The following CMSS1 variants were observed in gnomAD, a reference collection of about 807,000 sequenced individuals.
The protein encoded by CMSS1 is cms1 ribosomal small subunit homolog, also known as protein CMSS1.
Under a neutral mutation model 43.5 loss-of-function variants are expected in CMSS1, and 33 were observed. The ratio of observed to expected loss-of-function variants is 0.76; its 90% CI spans 0.57 to 1.01. The LOEUF (loss-of-function observed/expected upper bound fraction) is 1.01. Ranked by LOEUF, CMSS1 falls within the 50% of genes least tolerant of loss-of-function variation. CMSS1 has a pLI of 0.00. For missense variants in CMSS1, 313 were observed against 326.4 expected (o/e 0.96, Z 0.32); for synonymous variants, 115 against 117.2 (o/e 0.98, Z 0.12).
At chr3:99,901,099 A>G (rs1010310443) in intron 1 of CMSS1, among the ~76,000 whole-genome samples, 3 of 152,360 alleles carry the variant, frequency 2.0e-5, no homozygotes, top group African/African-American at 4.8e-5. Context: ...ACTGTATACA[A>G]CATTCTTTTA....
intron 1 of CMSS1, among the ~76,000 whole-genome samples, chr3:100,069,800 A>G (rs2065729740): frequency 6.6e-6 from 1 of 152,166 alleles, no homozygotes; most frequent in Non-Finnish European, 1.5e-5. Flanking sequence ...GGGCCAGTCT[A>G]TTTGTGAGGG....
rs1226797409 is a variant in CMSS1, at chr3:100,180,855, T to TGAA, written c.*2471_*2473dup. The stretch of plus-strand genomic sequence containing the variant: ...GTATTCTTCCATTTTTACACTGCTA[T>TGAA]GAAGAACTACCTGAGACTGGGTAGT... On this transcript the variant is annotated 3_prime_UTR_variant, in exon 10 of 10. Transcript: ENST00000421999. The TGAA allele has an allele frequency of 6.6e-6, 1 of 152,228 alleles. No homozygotes were observed. Among genetic ancestry groups the TGAA allele is most frequent in the Non-Finnish European group, 1.5e-5 (1 of 68,048 alleles). 9.4% of individuals were successfully genotyped at this position (152,228 alleles called of 1,614,324 possible). A position where few individuals can be genotyped will look rare whatever the true frequency, so the allele number is the denominator to read the frequency against.
chr3:100,141,436 A>T (rs937127663), intron 1 of CMSS1: 4 of 378,830 alleles, frequency 1.1e-5, no homozygotes, highest in African/African-American at 8.5e-5. Flanking sequence ...GTGGAAACAG[A>T]CAATGGTCTT....
intron 1 of CMSS1, among the ~76,000 whole-genome samples, chr3:99,979,034 C>T (rs539254034): frequency 6.6e-6 from 1 of 151,906 alleles, no homozygotes; most frequent in Admixed American, 6.6e-5. Flanking sequence ...CACTGTAGGG[C>T]GACTAGAGGG....
chr3:99,903,155 T>A (rs1706492155), intron 1 of CMSS1, among the ~76,000 whole-genome samples: 1 of 152,182 alleles, frequency 6.6e-6, no homozygotes, highest in Non-Finnish European at 1.5e-5. Flanking sequence ...CATAGGGTTG[T>A]TATGAGGATT....
At chr3:100,044,695 A>G (rs762779121) in intron 1 of CMSS1, among the ~76,000 whole-genome samples, 4 of 152,194 alleles carry the variant, frequency 2.6e-5, no homozygotes, top group Non-Finnish European at 5.9e-5. Flanking sequence ...GATTTTTTTA[A>G]TGAGGTAAAA....
intron 1 of CMSS1, among the ~76,000 whole-genome samples, chr3:100,137,345 A>G (rs929708189): frequency 6.6e-5 from 10 of 152,214 alleles, no homozygotes; most frequent in African/African-American, 2.4e-4. Context: ...ATGGATTTTT[A>G]AAAATAGAGC....
chr3:99,848,079 G>A lies in CMSS1; in HGVS notation c.64+30036G>A, dbSNP rs990535592. On this transcript the variant is annotated intron_variant, in intron 1 of 9. Transcript: ENST00000421999. ...ATATTTTCCATACAAGTATGTAAAT[G>A]AAAAGATATACAGTAAGTGCACACT... is the stretch of plus-strand genomic sequence containing the variant. 42 of 1,327,066 alleles carry A rather than the reference G, an allele frequency of 3.2e-5. No individual in the cohort carries two copies. In the Middle Eastern group the frequency reaches 1.1e-3, roughly 35 times the overall value. The allele number at this position is 1,327,066 out of a possible 1,614,324, so 82.2% of individuals were successfully genotyped here.
chr3:99,884,568 A>G (rs1370307234), intron 1 of CMSS1, among the ~76,000 whole-genome samples: 2 of 152,144 alleles, frequency 1.3e-5, no homozygotes, highest in African/African-American at 4.8e-5. Context: ...TGATGTCTCA[A>G]ACTTCCTTCC....
At chr3:99,998,789 T>A (rs1709757190) in intron 1 of CMSS1, among the ~76,000 whole-genome samples, 1 of 152,210 alleles carries the variant, frequency 6.6e-6, no homozygotes, top group African/African-American at 2.4e-5. Flanking sequence ...CAGGATGGTC[T>A]CGATCTCCTG....
At chr3:99,927,000 A>G (rs910051832) in intron 1 of CMSS1, among the ~76,000 whole-genome samples, 30 of 152,192 alleles carry the variant, frequency 2.0e-4, no homozygotes, top group African/African-American at 6.5e-4. Flanking sequence ...TTCGGGGCCA[A>G]AAGGCCCTTC....
intron 4 of CMSS1, among the ~76,000 whole-genome samples, chr3:100,163,477 G>C (rs2067042499): frequency 6.6e-6 from 1 of 152,154 alleles, no homozygotes. Context: ...CTCTGCCTTA[G>C]TGTATTTATA....
intron 1 of CMSS1, among the ~76,000 whole-genome samples, chr3:99,926,796 T>A (rs1039925558): frequency 6.6e-6 from 1 of 152,220 alleles, no homozygotes; most frequent in African/African-American, 2.4e-5. Context: ...AATCCACTCT[T>A]GCTTTCCATT....
chr3:100,097,518 T>C (rs2066231960), intron 1 of CMSS1, among the ~76,000 whole-genome samples: 1 of 152,228 alleles, frequency 6.6e-6, no homozygotes, highest in South Asian at 2.1e-4. Context: ...TATATCTCTC[T>C]ATTTTTAGAT....
chr3:100,003,247 A>C (rs191445718), intron 1 of CMSS1, among the ~76,000 whole-genome samples: 1 of 152,226 alleles, frequency 6.6e-6, no homozygotes, highest in Admixed American at 6.5e-5. Flanking sequence ...AGAAAATAAA[A>C]GAATGTTAGA....
chr3:99,916,339 A>G (rs1706949073), intron 1 of CMSS1, among the ~76,000 whole-genome samples: 1 of 152,126 alleles, frequency 6.6e-6, no homozygotes, highest in Non-Finnish European at 1.5e-5. Context: ...TTTCGGCTAC[A>G]TGACTGGCTT....
intron 1 of CMSS1, among the ~76,000 whole-genome samples, chr3:100,048,112 G>A (rs774132714): frequency 6.6e-6 from 1 of 152,228 alleles, no homozygotes; most frequent in East Asian, 1.9e-4. Context: ...ACTTGTGCTT[G>A]CATTGTCTTC....
intron 1 of CMSS1, among the ~76,000 whole-genome samples, chr3:99,951,414 G>T (rs189169725): frequency 1.3e-5 from 2 of 152,292 alleles, no homozygotes; most frequent in Non-Finnish European, 2.9e-5. Context: ...CGCATAGTAT[G>T]TACTCTGTCG....
chr3:100,120,910 A>G (rs1457148553), intron 1 of CMSS1, among the ~76,000 whole-genome samples: 1 of 152,110 alleles, frequency 6.6e-6, no homozygotes, highest in African/African-American at 2.4e-5. Context: ...AAAGCGCAGG[A>G]TGGCTTCAGC....
Sources: gnomAD v4.1 joint callset for allele counts (sites outside exome capture counted in the v4.1 genomes callset) on GRCh38, gnomAD v4.1.1 for gene constraint, MANE v1.5 for transcripts, NCBI Gene and HGNC (gene_info 2026-07-23, HGNC 2026-07-21) for gene names.